MLIP: variants seen among roughly 807,000 people sequenced by gnomAD.
The protein encoded by MLIP is muscular LMNA-interacting protein.
MLIP carries 79 observed loss-of-function variants against 84.8 expected under a neutral mutation model. The ratio of observed to expected loss-of-function variants is 0.93; its 90% CI spans 0.78 to 1.12. The LOEUF is 1.12. Ranked by LOEUF, MLIP falls within the 50% of genes most tolerant of loss-of-function variation. The pLI is 0.00. For missense variants in MLIP, 1,257 were observed against 1,160.6 expected (o/e 1.08, Z -1.21); for synonymous variants, 504 against 463.0 (o/e 1.09, Z -1.14).
chr6:54,247,711 C>T, intron 12 of MLIP, among the ~76,000 whole-genome samples: 1 of 152,124 alleles, frequency 6.6e-6, no homozygotes, highest in Non-Finnish European at 1.5e-5. Context: ...AGAAGCCCTT[C>T]TGTTACCTAT....
At chr6:54,131,937 C>T (rs1771415722) in intron 3 of MLIP, among the ~76,000 whole-genome samples, 1 of 152,136 alleles carries the variant, frequency 6.6e-6, no homozygotes, top group Non-Finnish European at 1.5e-5. Context: ...GTTGGGTTAG[C>T]TGGTGGCTGG....
intron 12 of MLIP, among the ~76,000 whole-genome samples, chr6:54,233,474 C>T (rs1350151663): frequency 1.3e-5 from 2 of 152,072 alleles, no homozygotes; most frequent in Non-Finnish European, 2.9e-5. Flanking sequence ...TGATGGTTTC[C>T]AGCTTCATCC....
At chr6:54,043,514 A>G (rs1764865076) in intron 1 of MLIP, 1 of 152,218 alleles carries the variant, frequency 6.6e-6, no homozygotes, top group Non-Finnish European at 1.5e-5. Flanking sequence ...AACCCTCTCT[A>G]AAGAAAGCTG....
At chr6:54,052,368 G>A (rs936674458) in intron 1 of MLIP, among the ~76,000 whole-genome samples, 2 of 152,226 alleles carry the variant, frequency 1.3e-5, no homozygotes, top group South Asian at 2.1e-4. Flanking sequence ...TTTTAAGTTC[G>A]TCTACCTGTT....
chr6:54,197,893 T>C (rs1002143115), intron 10 of MLIP, among the ~76,000 whole-genome samples: 2 of 152,134 alleles, frequency 1.3e-5, no homozygotes, highest in Admixed American at 6.6e-5. Context: ...AATTAAATTG[T>C]TCAGAATTAG....
At chr6:54,220,693 A>G (rs1281397237) in intron 11 of MLIP, among the ~76,000 whole-genome samples, 1 of 152,228 alleles carries the variant, frequency 6.6e-6, no homozygotes, top group African/African-American at 2.4e-5. Context: ...AAATATACAG[A>G]AAGTGACATT....
In MLIP at chr6:54,255,996, AGACTCTGAT is replaced by A. The variant is rs1225606862; in HGVS notation, c.2923-1309_2923-1301del. ...CCTAAGCCATACTTAGGATCTCAGG[AGACTCTGAT>A]GAACAGGAGAAAGTAGGTGCTTCCA... On this transcript the variant is annotated intron_variant, in intron 12 of 13. Transcript: ENST00000502396. Among the ~76,000 whole-genome samples, 5 of 152,144 alleles carry A rather than the reference AGACTCTGAT, an allele frequency of 3.3e-5. No individual in the cohort carries two copies. In the East Asian group the frequency reaches 9.6e-4, roughly 29 times the overall value.
At chr6:54,074,833 G>A (rs1243311593) in intron 1 of MLIP, among the ~76,000 whole-genome samples, 1 of 152,150 alleles carries the variant, frequency 6.6e-6, no homozygotes, top group East Asian at 1.9e-4. Flanking sequence ...AACACTAGAT[G>A]CGAAACACCT....
At chr6:54,053,898 A>G (rs1765504331) in intron 1 of MLIP, among the ~76,000 whole-genome samples, 1 of 152,234 alleles carries the variant, frequency 6.6e-6, no homozygotes, top group Admixed American at 6.5e-5. Flanking sequence ...CTTTAAATGA[A>G]GCATGGACAA....
At chr6:54,078,530 G>A (rs1386319018) in intron 1 of MLIP, among the ~76,000 whole-genome samples, 1 of 152,164 alleles carries the variant, frequency 6.6e-6, no homozygotes, top group Admixed American at 6.5e-5. Context: ...GAGCCTGTGA[G>A]CCATGATTGT....
chr6:54,075,165 T>A (rs1211599837), intron 1 of MLIP, among the ~76,000 whole-genome samples: 2 of 147,264 alleles, frequency 1.4e-5, no homozygotes, highest in African/African-American at 5.0e-5. Flanking sequence ...GAGAATCGCT[T>A]GAACCGGGGA....
chr6:54,164,656 T>A (rs1774997882), intron 8 of MLIP, among the ~76,000 whole-genome samples: 1 of 152,002 alleles, frequency 6.6e-6, no homozygotes, highest in African/African-American at 2.4e-5. Flanking sequence ...AAACCACTTA[T>A]CTTTTCATGT....
At chr6:54,036,054 T>C (rs1156290287) in intron 1 of MLIP, among the ~76,000 whole-genome samples, 3 of 151,916 alleles carry the variant, frequency 2.0e-5, no homozygotes, top group Non-Finnish European at 4.4e-5. Context: ...GAGTCCTAGG[T>C]CTTGAAGATA....
At chr6:54,223,724 G>T (rs1246211377) in intron 11 of MLIP, among the ~76,000 whole-genome samples, 1 of 151,884 alleles carries the variant, frequency 6.6e-6, no homozygotes, top group African/African-American at 2.4e-5. Flanking sequence ...TTGTCTTTCT[G>T]GCTTGCATAC....
At chr6:54,165,986 G>C (rs936165106) in intron 8 of MLIP, among the ~76,000 whole-genome samples, 4 of 151,832 alleles carry the variant, frequency 2.6e-5, no homozygotes, top group African/African-American at 9.7e-5. Context: ...TCCCTCACCA[G>C]ACACCAAATC....
At chr6:54,165,223 G>T (rs1435141631) in intron 8 of MLIP, among the ~76,000 whole-genome samples, 1 of 151,884 alleles carries the variant, frequency 6.6e-6, no homozygotes, top group East Asian at 2.0e-4. Context: ...AAGCGCCATA[G>T]TATCAACCAG....
At chr6:54,050,585 G>A (rs146263885) in intron 1 of MLIP, among the ~76,000 whole-genome samples, 13 of 152,124 alleles carry the variant, frequency 8.5e-5, no homozygotes, top group African/African-American at 2.9e-4. Flanking sequence ...TATAATTTGA[G>A]TTTTTTTGTT....
chr6:54,227,545 T>C (rs1780662632), intron 11 of MLIP, among the ~76,000 whole-genome samples: 1 of 152,176 alleles, frequency 6.6e-6, no homozygotes, highest in East Asian at 1.9e-4. Flanking sequence ...CTGGGGTATT[T>C]TCAGATTATT....
At chr6:54,251,329 T>C (rs1782463188) in intron 12 of MLIP, among the ~76,000 whole-genome samples, 1 of 150,144 alleles carries the variant, frequency 6.7e-6, no homozygotes, top group African/African-American at 2.5e-5. Flanking sequence ...GAATCTGAAA[T>C]TTACAAGATT....
Sources: allele counts gnomAD v4.1 joint callset (sites outside exome capture counted in the v4.1 genomes callset), GRCh38; gene constraint gnomAD v4.1.1; transcripts MANE v1.5; gene names NCBI Gene and HGNC (gene_info 2026-07-23, HGNC 2026-07-21).